CD74: variants seen among roughly 807,000 people sequenced by gnomAD.
CD74 encodes the protein CD74 molecule.
In CD74, 20 loss-of-function variants were observed where a neutral mutation model predicts 37.1. That is an observed-to-expected ratio of 0.54 (90% CI 0.38 to 0.78). CD74 has a LOEUF of 0.78. Among genes scored for constraint, CD74 ranks in the 30% least tolerant of loss-of-function variants. The pLI is 0.00. For synonymous variants in CD74, 150 were observed against 152.0 expected, an observed-to-expected ratio of 0.99 and a Z score of 0.10; for missense variants, 338 against 389.5, an observed-to-expected ratio of 0.87 and a Z score of 1.11.
Position 150,406,223 on chromosome 5 carries a change from G to C in CD74, c.441+36C>G, listed in dbSNP as rs1286461820. 4 of 1,563,432 alleles carry C rather than the reference G, an allele frequency of 2.6e-6. No homozygotes were observed. In the East Asian group the frequency reaches 9.0e-5, roughly 35 times the overall value. On this transcript the variant is annotated intron_variant, in intron 4 of 8. Coordinates refer to ENST00000009530, the MANE Select transcript of CD74 (RefSeq NM_001025159.3). ...TTGGCCCGGCCAGGGTCCTGGGTGGGCAGGCAGGACCACCCAGCTAGCTCC... is the reference window on the plus strand; with the variant it reads ...TTGGCCCGGCCAGGGTCCTGGGTGGCCAGGCAGGACCACCCAGCTAGCTCC...
chr5:150,407,273 C>G lies in CD74; in HGVS notation c.177G>C (p.Leu59=). 2 of 1,613,030 alleles carry G rather than the reference C, an allele frequency of 1.2e-6. No homozygotes were observed. The highest frequency in any genetic ancestry group is 1.7e-6 in the Non-Finnish European group (2 of 1,179,628). Residue 59 remains leucine, a synonymous_variant, in exon 2 of 9, where the codon CTG becomes CTC. Transcript: ENST00000009530. This position sits in a 1 kb window ranked among gnomAD's most constrained non-coding sequence, Gnocchi z 4.4. ...CGGTGGTGGCCTGGCCAGCGAGGAGCAGAGTCACCAGGATGGAAAAGCCTG... is the reference window on the plus strand; with the variant it reads ...CGGTGGTGGCCTGGCCAGCGAGGAGGAGAGTCACCAGGATGGAAAAGCCTG... The part of the protein sequence containing the change: ...LYTGFSILVT[L]LLAGQATTAY...
chr5:150,409,121 G>A (rs1770174764), intron 1 of CD74, among the ~76,000 whole-genome samples: 1 of 152,198 alleles, frequency 6.6e-6, no homozygotes, highest in Non-Finnish European at 1.5e-5. Flanking sequence ...TACTTGGGAG[G>A]CTGAGGTGGG....
intron 5 of CD74, 59 bp from the exon 6 acceptor site, chr5:150,404,826 C>T (rs922501312): frequency 7.0e-5 from 84 of 1,201,952 alleles, no homozygotes; most frequent in Non-Finnish European, 9.8e-5. Context: ...CCTACACTGC[C>T]TGGCTTTGCC....
In CD74 at chr5:150,407,695, G is replaced by A. The variant is rs1770063884; in HGVS notation, c.126-371C>T. ...TCTTCCCAGGCTCCCTTTGCCGTGC[G>A]GATCTCCTGATGATCAGGGCTGCCC... is the stretch of plus-strand genomic sequence containing the variant. On this transcript the variant is annotated intron_variant, in intron 1 of 8. Coordinates refer to ENST00000009530, the MANE Select transcript of CD74 (RefSeq NM_001025159.3). The surrounding 1 kb of genome is among the most constrained non-coding windows in gnomAD (Gnocchi z 4.4). Among the ~76,000 whole-genome samples the A allele has an allele frequency of 6.6e-6, 1 of 152,234 alleles. No individual in the cohort carries two copies. Among genetic ancestry groups the A allele is most frequent in the South Asian group, 2.1e-4 (1 of 4,818 alleles).
rs779666076 is a variant in CD74, at chr5:150,403,227, G to A, written c.711C>T (p.Asn237=). 1.9e-6 allele frequency: 3 copies of A among 1,613,944 alleles called. No individual in the cohort carries two copies. The African/African-American group carries it at 4.0e-5, about 22-fold the overall frequency. Residue 237 remains asparagine, a synonymous_variant, in exon 7 of 9, where the codon AAC becomes AAT. Coordinates refer to ENST00000009530, the MANE Select transcript of CD74 (RefSeq NM_001025159.3). This position sits in a 1 kb window ranked among gnomAD's most constrained non-coding sequence, Gnocchi z 4.5. ...SFRPKCDENG[N]YLPLQCYGSI... ...TCCCATAGCACTGGAGTGGCAGATA[G>A]TTGCCGTTCTCGTCGCACTTGGGCC...
Position 150,407,504 on chromosome 5 carries a change from C to T in CD74, c.126-180G>A, listed in dbSNP as rs576969054. Among the ~76,000 whole-genome samples, 48 of 152,276 alleles carry T rather than the reference C, an allele frequency of 3.2e-4. No homozygotes were observed. The highest frequency in any genetic ancestry group is 5.1e-4 in the Non-Finnish European group (35 of 68,008). ...CTATGGAAACACAGCTTGAAGACCT[C>T]ACCCCACCCCTCCTTCCAACCATCG... On this transcript the variant is annotated intron_variant, in intron 1 of 8. Coordinates refer to ENST00000009530, the MANE Select transcript of CD74 (RefSeq NM_001025159.3). The surrounding 1 kb of genome is among the most constrained non-coding windows in gnomAD (Gnocchi z 4.4).
intron 1 of CD74, among the ~76,000 whole-genome samples, chr5:150,408,791 A>G (rs758049799): frequency 6.6e-6 from 1 of 152,172 alleles, no homozygotes; most frequent in Non-Finnish European, 1.5e-5. Flanking sequence ...GCCAATGTGA[A>G]GGTGTTGGGA....
Position 150,403,069 on chromosome 5 carries a change from A to G in CD74, c.817+52T>C, listed in dbSNP as rs2151169327. ...TTCAGAGGGGACCTCTTGCCCCTCA[A>G]CCTTCCTAGTCCTTCCTGGTCCTCT... On this transcript the variant is annotated intron_variant, in intron 7 of 8. Transcript: ENST00000009530. The surrounding 1 kb of genome is among the most constrained non-coding windows in gnomAD (Gnocchi z 4.5). The G allele has an allele frequency of 1.3e-6, 2 of 1,519,306 alleles. No individual in the cohort carries two copies. The highest frequency in any genetic ancestry group is 1.8e-6 in the Non-Finnish European group (2 of 1,114,950). The allele number at this position is 1,519,306 out of a possible 1,614,324, so 94.1% of individuals were successfully genotyped here. A position where few individuals can be genotyped will look rare whatever the true frequency, so the allele number is the denominator to read the frequency against.
At chr5:150,404,939 C>A in intron 5 of CD74, 146 bp downstream of exon 5, 1 of 868,208 alleles carries the variant, frequency 1.2e-6, no homozygotes, top group South Asian at 1.5e-5. Context: ...CCCACATACT[C>A]TGCAGCATCC....
At position 150,401,796 on chromosome 5, in the gene CD74, G is replaced by C. The variant is rs762942967; in HGVS notation, c.*444C>G. 5 of 617,970 alleles carry C rather than the reference G, an allele frequency of 8.1e-6. No individual in the cohort carries two copies. 38.3% of individuals were successfully genotyped at this position (617,970 alleles called of 1,614,324 possible). A position where few individuals can be genotyped will look rare whatever the true frequency, so the allele number is the denominator to read the frequency against. ...GATGCTGGGGAAAGGGAAGAGAGTGGCTCAGCCTGCAGGTAAATAGGCTAG... is the reference window on the plus strand; with the variant it reads ...GATGCTGGGGAAAGGGAAGAGAGTGCCTCAGCCTGCAGGTAAATAGGCTAG... On this transcript the variant is annotated 3_prime_UTR_variant, in exon 9 of 9. Coordinates refer to ENST00000009530, the MANE Select transcript of CD74 (RefSeq NM_001025159.3).
intron 5 of CD74, 38 bp from the exon 6 acceptor site, chr5:150,404,805 A>G: frequency 7.4e-7 from 1 of 1,359,486 alleles, no homozygotes; most frequent in South Asian, 1.2e-5. Flanking sequence ...TTCGATGGCC[A>G]CCACCAAGCC....
At chr5:150,406,122 G>T in intron 4 of CD74, 137 bp downstream of exon 4, 1 of 722,788 alleles carries the variant, frequency 1.4e-6, no homozygotes, top group South Asian at 1.5e-5. Flanking sequence ...AACATTTAAG[G>T]GTCACCCTTG....
At chr5:150,404,271 G>A (rs1056302839) in intron 6 of CD74, among the ~76,000 whole-genome samples, 4 of 152,200 alleles carry the variant, frequency 2.6e-5, no homozygotes, top group African/African-American at 9.6e-5. Context: ...AACGCCCAAG[G>A]CTCTCTTGGC....
In CD74 at chr5:150,410,798, T is replaced by G. The variant is rs76705207; in HGVS notation, c.125+1827A>C. Among the ~76,000 whole-genome samples, 280 of 152,040 alleles carry G rather than the reference T, an allele frequency of 1.8e-3. 1 individual carries two copies. Among genetic ancestry groups the G allele is most frequent in the African/African-American group, 6.3e-3 (261 of 41,434 alleles). On this transcript the variant is annotated intron_variant, in intron 1 of 8. Coordinates refer to ENST00000009530, the MANE Select transcript of CD74 (RefSeq NM_001025159.3). ...CTCCAAAACAGGCTCCAGTCTGGAA[T>G]GGCCTAAGCACACATAGCCAGCTTT... is the stretch of plus-strand genomic sequence containing the variant.
chr5:150,403,429 C>T lies in CD74; in HGVS notation c.626-117G>A, dbSNP rs1769762752. 1.1e-6 allele frequency: 1 copy of T among 889,620 alleles called. No homozygotes were observed. The highest frequency in any genetic ancestry group is 2.4e-5 in the East Asian group (1 of 41,262). The allele number at this position is 889,620 out of a possible 1,614,324, so 55.1% of individuals were successfully genotyped here. Reference sequence around the variant, plus strand: ...GGCTTAATGCCTTCTTCCCAAGTGGCTTTACTCACTCCAGCCATCACACGG... The same window carrying T: ...GGCTTAATGCCTTCTTCCCAAGTGGTTTTACTCACTCCAGCCATCACACGG... On this transcript the variant is annotated intron_variant, in intron 6 of 8. Coordinates refer to ENST00000009530, the MANE Select transcript of CD74 (RefSeq NM_001025159.3). This position sits in a 1 kb window ranked among gnomAD's most constrained non-coding sequence, Gnocchi z 4.5.
rs749863505 is a variant in CD74, at chr5:150,412,632, G to C, written c.118C>G (p.Pro40Ala). Residue 40 changes from proline (P) to alanine (A), a missense_variant, in exon 1 of 9, where the codon CCG becomes GCG. By Grantham distance (27) the Pro-to-Ala change is conservative (BLOSUM62 -1). Transcript: ENST00000009530. ...CCTGGTGCTCACACATACCTCTCCG[G>C]GGCCCCAGGGCGCCGGCCCAGCATG... is the stretch of plus-strand genomic sequence containing the variant. ...LPMLGRRPGA[P>A]ESKCSRGALY... 1 of 1,612,686 alleles carries C rather than the reference G, an allele frequency of 6.2e-7. No individual in the cohort carries two copies. The highest frequency in any genetic ancestry group is 1.1e-5 in the South Asian group (1 of 91,064).
intron 6 of CD74, among the ~76,000 whole-genome samples, chr5:150,404,269 A>G (rs1208040915): frequency 6.6e-6 from 1 of 152,216 alleles, no homozygotes; most frequent in East Asian, 1.9e-4. Flanking sequence ...GAAACGCCCA[A>G]GGCTCTCTTG....
At chr5:150,412,575 C>T in intron 1 of CD74, 50 bp downstream of exon 1, 2 of 1,380,666 alleles carry the variant, frequency 1.4e-6, no homozygotes, top group East Asian at 2.3e-5. Flanking sequence ...CACATGCGCA[C>T]GGCTCTGCAG....
rs1769757472 is a variant in CD74 at position 150,403,345 on chromosome 5, G to A, written c.626-33C>T. Reference sequence around the variant, plus strand: ...GACAGGCATGATGAGGACACAGTGAGTGAGTGAGCTCTGAACCAGGGTCTG... The same window carrying A: ...GACAGGCATGATGAGGACACAGTGAATGAGTGAGCTCTGAACCAGGGTCTG... On this transcript the variant is annotated intron_variant, in intron 6 of 8. Transcript: ENST00000009530. The surrounding 1 kb of genome is among the most constrained non-coding windows in gnomAD (Gnocchi z 4.5). 1 of 1,592,526 alleles carries A rather than the reference G, an allele frequency of 6.3e-7. No individual in the cohort carries two copies. Among genetic ancestry groups the A allele is most frequent in the African/African-American group, 1.3e-5 (1 of 74,436 alleles).
Sources: gnomAD v4.1 joint callset for allele counts (sites outside exome capture counted in the v4.1 genomes callset) on GRCh38, gnomAD v4.1.1 for gene constraint, Gnocchi (gnomAD v3.1) non-coding constraint, MANE v1.5 for transcripts, NCBI Gene and HGNC (gene_info 2026-07-23, HGNC 2026-07-21) for gene names.